The following IL4R variants were observed in gnomAD, a reference collection of about 807,000 sequenced individuals.
IL4R encodes interleukin-4 receptor subunit alpha.
IL4R carries 17 observed loss-of-function variants against 41.5 expected under a neutral mutation model. The observed-to-expected ratio is 0.41, with a 90% CI of 0.28 to 0.61. The LOEUF (loss-of-function observed/expected upper bound fraction) is 0.61, where lower values mean the gene tolerates loss of function less well. IL4R is among the 20% of genes least tolerant of loss of function. The pLI, the probability that IL4R is intolerant of heterozygous loss-of-function variation, is 0.31. For synonymous variants in IL4R, 402 were observed against 422.9 expected, an observed-to-expected ratio of 0.95 and a Z score of 0.61; for missense variants, 974 against 1,043.1, an observed-to-expected ratio of 0.93 and a Z score of 0.91.
chr16:27,316,930 GTCTC>G (rs890043464), intron 1 of IL4R, among the ~76,000 whole-genome samples: 14 of 143,200 alleles, frequency 9.8e-5, no homozygotes, highest in Non-Finnish European at 2.0e-4. Flanking sequence ...TAGAGCCATG[GTCTC>G]TCTCTATTTC....
intron 5 of IL4R, among the ~76,000 whole-genome samples, chr16:27,346,085 G>A (rs147934778): frequency 5.3e-5 from 8 of 152,202 alleles, no homozygotes; most frequent in South Asian, 2.1e-4. Context: ...AAGACCAGGC[G>A]CGGTGGCTCA....
At chr16:27,347,784 A>G (rs1567324713) in intron 6 of IL4R, among the ~76,000 whole-genome samples, 1 of 152,236 alleles carries the variant, frequency 6.6e-6, no homozygotes, top group Non-Finnish European at 1.5e-5. Context: ...GATGTTGGGC[A>G]TATCCCATAA....
At chr16:27,347,049 C>T (rs529003698) in intron 6 of IL4R, among the ~76,000 whole-genome samples, 1 of 152,214 alleles carries the variant, frequency 6.6e-6, no homozygotes, top group African/African-American at 2.4e-5. Flanking sequence ...ATACAGCTGA[C>T]TCGTTTACTA....
chr16:27,326,835 TG>T (rs1387168334), intron 1 of IL4R, among the ~76,000 whole-genome samples: 1 of 152,082 alleles, frequency 6.6e-6, no homozygotes, highest in African/African-American at 2.4e-5. Flanking sequence ...CTGGCTGGGC[TG>T]GGGACGGAGC....
rs2085605236 is a variant in IL4R, at chr16:27,345,371, C to A, written c.361+351C>A. On this transcript the variant is annotated intron_variant, in intron 5 of 10. Coordinates refer to ENST00000395762, the MANE Select transcript of IL4R (RefSeq NM_000418.4). The surrounding 1 kb of genome is among the most constrained non-coding windows in gnomAD (Gnocchi z 4.5). ...TTCCTTCCATTCTGTGTCCACTGGT[C>A]AGCTGCTGCGGCTTTGGATGGTCTT... The A allele has an allele frequency of 2.5e-6, 1 of 396,000 alleles. No homozygotes were observed. Among genetic ancestry groups the A allele is most frequent in the Non-Finnish European group, 5.0e-6 (1 of 200,874 alleles). The allele number at this position is 396,000 out of a possible 1,614,324, so 24.5% of individuals were successfully genotyped here.
chr16:27,352,451 G>A, intron 6 of IL4R, 89 bp from the exon 7 acceptor site: 6 of 1,075,828 alleles, frequency 5.6e-6, no homozygotes, highest in Non-Finnish European at 7.0e-6. Flanking sequence ...TCTTAAACAT[G>A]GTGGGGTCAG....
intron 8 of IL4R, 90 bp from the exon 9 acceptor site, chr16:27,358,826 A>G: frequency 2.1e-6 from 2 of 932,790 alleles, no homozygotes; most frequent in South Asian, 2.6e-5. Flanking sequence ...CTGATGCCAA[A>G]TAAGTATTGG....
chr16:27,344,961 T>C lies in IL4R; in HGVS notation c.302T>C (p.Leu101Pro), dbSNP rs1298734626. The C allele has an allele frequency of 1.2e-6, 2 of 1,613,870 alleles. No individual in the cohort carries two copies. Among genetic ancestry groups the C allele is most frequent in the Non-Finnish European group, 1.7e-6 (2 of 1,180,012 alleles). Residue 101 changes from leucine (L) to proline (P), a missense_variant, in exon 5 of 11, where the codon CTG (leucine) becomes CCG (proline). Leu to Pro is a moderately conservative substitution (Grantham distance 98, BLOSUM62 -3). Around this residue, in one of 3 missense-constraint regions of IL4R, gnomAD observed 284 missense variants for 313.4 expected, o/e 0.91. Coordinates refer to ENST00000395762, the MANE Select transcript of IL4R (RefSeq NM_000418.4). ...DDVVSADNYTLDLWAGQQLLW... is the reference protein window; with the variant it reads ...DDVVSADNYTPDLWAGQQLLW... ...GTGGTCAGTGCGGATAACTATACACTGGACCTGTGGGCTGGGCAGCAGCTG... is the reference window on the plus strand; with the variant it reads ...GTGGTCAGTGCGGATAACTATACACCGGACCTGTGGGCTGGGCAGCAGCTG...
At chr16:27,359,966 T>C (rs2086224597) in intron 9 of IL4R, 1 of 398,538 alleles carries the variant, frequency 2.5e-6, no homozygotes, top group Non-Finnish European at 5.2e-6. Flanking sequence ...CAGATCTGAA[T>C]TGAGCTGACC....
chr16:27,343,017 G>T (rs191482450), intron 4 of IL4R, among the ~76,000 whole-genome samples: 22 of 152,346 alleles, frequency 1.4e-4, no homozygotes, highest in Admixed American at 3.9e-4. Flanking sequence ...CTTGATTGAG[G>T]AGTACGGTGT....
At chr16:27,354,636 G>C (rs974942466) in intron 7 of IL4R, among the ~76,000 whole-genome samples, 2 of 152,202 alleles carry the variant, frequency 1.3e-5, no homozygotes, top group African/African-American at 2.4e-5. Flanking sequence ...AAGGGAGAGA[G>C]GAAAAAGCTG....
Position 27,345,279 on chromosome 16 carries a change from C to T in IL4R, c.361+259C>T, listed in dbSNP as rs1596825570. 6 of 623,284 alleles carry T rather than the reference C, an allele frequency of 9.6e-6. 1 individual carries two copies. Among genetic ancestry groups the T allele is most frequent in the Middle Eastern group, 5.0e-4 (2 of 3,988 alleles). The allele number at this position is 623,284 out of a possible 1,614,324, so 38.6% of individuals were successfully genotyped here. ...CCCTGAACTTAAGTGCCCAGGAAGG[C>T]GTATTGAGATGAGGTGTGCTTGCTG... On this transcript the variant is annotated intron_variant, in intron 5 of 10. Transcript: ENST00000395762. The surrounding 1 kb of genome is among the most constrained non-coding windows in gnomAD (Gnocchi z 4.5).
intron 9 of IL4R, 26 bp from the exon 10 acceptor site, chr16:27,360,740 T>C: frequency 1.2e-5 from 20 of 1,614,076 alleles, no homozygotes; most frequent in Non-Finnish European, 1.7e-5. Flanking sequence ...CACTCTGCTC[T>C]TTCATTGGCT....
chr16:27,342,075 C>G, intron 3 of IL4R, 46 bp from the exon 4 acceptor site: 1 of 1,603,130 alleles, frequency 6.2e-7, no homozygotes. Context: ...GTCCCCCTCA[C>G]GCATTGAGTT....
At chr16:27,341,174 G>C (rs1472643693) in intron 3 of IL4R, 3 of 695,850 alleles carry the variant, frequency 4.3e-6, no homozygotes, top group Non-Finnish European at 7.9e-6. Context: ...CCTCTGGGAG[G>C]TAGATTTGAG....
intron 1 of IL4R, among the ~76,000 whole-genome samples, chr16:27,314,430 C>A (rs967043178): frequency 6.6e-6 from 1 of 152,240 alleles, no homozygotes; most frequent in African/African-American, 2.4e-5. Context: ...GTTCTGAGAA[C>A]TGTAAATTTG....
At chr16:27,358,339 T>G (rs1429471148) in intron 8 of IL4R, among the ~76,000 whole-genome samples, 2 of 152,216 alleles carry the variant, frequency 1.3e-5, no homozygotes, top group Non-Finnish European at 2.9e-5. Flanking sequence ...TCAATAAATA[T>G]GTGTTTATTT....
Position 27,364,621 on chromosome 16 carries a change from T to C in IL4R, c.*791T>C, listed in dbSNP as rs1001361755. The C allele has an allele frequency of 1.3e-5, 2 of 152,126 alleles. No homozygotes were observed. Among genetic ancestry groups the C allele is most frequent in the African/African-American group, 4.8e-5 (2 of 41,414 alleles). The allele number at this position is 152,126 out of a possible 1,614,324, so 9.4% of individuals were successfully genotyped here. On this transcript the variant is annotated 3_prime_UTR_variant, in exon 11 of 11. Coordinates refer to ENST00000395762, the MANE Select transcript of IL4R (RefSeq NM_000418.4). ...GGCATAAGGCACCAGTTACCCTGCATGTTGGCCCAGACCTCAGGTGCTAGG... is the reference window on the plus strand; with the variant it reads ...GGCATAAGGCACCAGTTACCCTGCACGTTGGCCCAGACCTCAGGTGCTAGG...
rs2086060493 is a variant in IL4R at position 27,355,979 on chromosome 16, C to G, written c.770+72C>G. On this transcript the variant is annotated intron_variant, in intron 8 of 10. Transcript: ENST00000395762. ...GGTGGCAGGGACTTGCCCCTCTAGT[C>G]TGCCCCTTTGCAGTCCTCTCAGTCA... 5.9e-6 allele frequency: 6 copies of G among 1,013,500 alleles called. No individual in the cohort carries two copies. In the East Asian group the frequency reaches 1.4e-4, roughly 24 times the overall value. 62.8% of individuals were successfully genotyped at this position (1,013,500 alleles called of 1,614,324 possible).
Sources: gnomAD v4.1 joint callset for allele counts (sites outside exome capture counted in the v4.1 genomes callset) on GRCh38, gnomAD v4.1.1 for gene constraint, gnomAD v4.1.1 regional missense constraint, Gnocchi (gnomAD v3.1) non-coding constraint, MANE v1.5 for transcripts, NCBI Gene and HGNC (gene_info 2026-07-23, HGNC 2026-07-21) for gene names.